ROR1: variants seen among roughly 807,000 people sequenced by gnomAD.
ROR1 encodes the protein inactive tyrosine-protein kinase transmembrane receptor ROR1.
ROR1 carries 19 observed loss-of-function variants against 78.8 expected under a neutral mutation model. The ratio of observed to expected loss-of-function variants is 0.24; its 90% CI spans 0.17 to 0.35. ROR1 has a LOEUF of 0.35. ROR1 is among the 10% of genes least tolerant of loss of function. The pLI, the probability that ROR1 is intolerant of heterozygous loss-of-function variation, is 1.00. For synonymous variants in ROR1, 386 were observed against 433.6 expected, an observed-to-expected ratio of 0.89 and a Z score of 1.36; for missense variants, 917 against 1,177.8, an observed-to-expected ratio of 0.78 and a Z score of 3.24.
chr1:64,165,692 C>T (rs981094159), intron 8 of ROR1, among the ~76,000 whole-genome samples: 42 of 140,006 alleles, frequency 3.0e-4, no homozygotes, highest in African/African-American at 1.0e-3. Flanking sequence ...TTTATAATTT[C>T]GGGTTTTACT....
chr1:64,126,402 A>G (rs1330976603), intron 4 of ROR1, among the ~76,000 whole-genome samples: 1 of 152,148 alleles, frequency 6.6e-6, no homozygotes, highest in Non-Finnish European at 1.5e-5. Context: ...CAATCTACCT[A>G]TTAGCTCATC....
chr1:63,858,403 A>G (rs1363669891), intron 1 of ROR1, among the ~76,000 whole-genome samples: 1 of 152,116 alleles, frequency 6.6e-6, no homozygotes, highest in Non-Finnish European at 1.5e-5. Flanking sequence ...GTAGAGTGGA[A>G]TTTCTCATTC....
At chr1:63,976,855 A>G (rs909159426) in intron 1 of ROR1, among the ~76,000 whole-genome samples, 1 of 152,208 alleles carries the variant, frequency 6.6e-6, no homozygotes, top group African/African-American at 2.4e-5. Flanking sequence ...TAAACACAAA[A>G]TTCATTATGT....
intron 4 of ROR1, among the ~76,000 whole-genome samples, chr1:64,052,586 C>T (rs1450171715): frequency 6.6e-6 from 1 of 152,110 alleles, no homozygotes; most frequent in Admixed American, 6.5e-5. Context: ...TGTTGTGAAC[C>T]GATATCTATG....
intron 7 of ROR1, among the ~76,000 whole-genome samples, chr1:64,144,636 A>G (rs1649427125): frequency 6.6e-6 from 1 of 152,164 alleles, no homozygotes; most frequent in African/African-American, 2.4e-5. Flanking sequence ...GGATAAGAAA[A>G]CTGACACTCA....
At chr1:64,046,519 AGAT>A (rs1373044066) in intron 2 of ROR1, among the ~76,000 whole-genome samples, 1 of 152,192 alleles carries the variant, frequency 6.6e-6, no homozygotes, top group African/African-American at 2.4e-5. Context: ...GTTTTTAGAT[AGAT>A]ATTTTATAGA....
chr1:63,961,975 T>G (rs183764544), intron 1 of ROR1, among the ~76,000 whole-genome samples: 1 of 152,204 alleles, frequency 6.6e-6, no homozygotes, highest in African/African-American at 2.4e-5. Context: ...ACAATTATTA[T>G]GTGTCATTTA....
chr1:63,947,778 G>A (rs972310134), intron 1 of ROR1, among the ~76,000 whole-genome samples: 9 of 152,050 alleles, frequency 5.9e-5, no homozygotes, highest in Admixed American at 3.3e-4. Context: ...TCCCCAGTTG[G>A]GTCTTGAACC....
chr1:63,813,565 A>G (rs1020926637), intron 1 of ROR1, among the ~76,000 whole-genome samples: 1 of 152,170 alleles, frequency 6.6e-6, no homozygotes, highest in African/African-American at 2.4e-5. Flanking sequence ...TACCTAGCAC[A>G]GGGCTGGAAC....
chr1:64,180,944 A>T lies in ROR1; in HGVS notation c.*2089A>T, dbSNP rs578192325. The T allele has an allele frequency of 6.6e-6, 1 of 152,266 alleles. No homozygotes were observed. Among genetic ancestry groups the T allele is most frequent in the South Asian group, 2.1e-4 (1 of 4,830 alleles). The allele number at this position is 152,266 out of a possible 1,614,324, so 9.4% of individuals were successfully genotyped here. A position where few individuals can be genotyped will look rare whatever the true frequency, so the allele number is the denominator to read the frequency against. On this transcript the variant is annotated 3_prime_UTR_variant, in exon 9 of 9. Transcript: ENST00000371079. ...TAAACATTTTATAATAACTGAAAAC[A>T]TTAAAGTGAGCAAATGAAATTTCAA...
chr1:63,818,537 T>C (rs1004888134), intron 1 of ROR1, among the ~76,000 whole-genome samples: 1 of 152,218 alleles, frequency 6.6e-6, no homozygotes. Context: ...CTTCTGTTCC[T>C]TTGATTGATG....
At chr1:63,898,703 GAA>G (rs1038709787) in intron 1 of ROR1, among the ~76,000 whole-genome samples, 1 of 151,896 alleles carries the variant, frequency 6.6e-6, no homozygotes, top group Non-Finnish European at 1.5e-5. Context: ...GAGAGGGAGA[GAA>G]AAGAGGGAAG....
At position 64,108,060 on chromosome 1, in the gene ROR1, TTGTGTGTGTGTGTG is replaced by T. The variant is rs3084945; in HGVS notation, c.483-29283_483-29270del. Among the ~76,000 whole-genome samples, 259 of 146,526 alleles carry T rather than the reference TTGTGTGTGTGTGTG, an allele frequency of 1.8e-3. 1 individual carries two copies. Among genetic ancestry groups the T allele is most frequent in the African/African-American group, 5.8e-3 (229 of 39,604 alleles). ...ACATCTGGATTTTTTTGTTTTCTTG[TTGTGTGTGTGTGTG>T]TGTGTGTGTGTGTGTGTGTGTGTGT... On this transcript the variant is annotated intron_variant, in intron 4 of 8. Coordinates refer to ENST00000371079, the MANE Select transcript of ROR1 (RefSeq NM_005012.4).
At chr1:63,875,465 A>C (rs1476613406) in intron 1 of ROR1, among the ~76,000 whole-genome samples, 1 of 152,202 alleles carries the variant, frequency 6.6e-6, no homozygotes, top group Non-Finnish European at 1.5e-5. Context: ...AGGGCATTAA[A>C]GAATAAAATC....
rs997735350 is a variant in ROR1, at chr1:63,843,137, C to T, written c.91+68629C>T. 5 of 785,472 alleles carry T rather than the reference C, an allele frequency of 6.4e-6. No homozygotes were observed. In the African/African-American group the frequency reaches 8.6e-5, roughly 14 times the overall value. The allele number at this position is 785,472 out of a possible 1,614,324, so 48.7% of individuals were successfully genotyped here. On this transcript the variant is annotated intron_variant, in intron 1 of 8. Coordinates refer to ENST00000371079, the MANE Select transcript of ROR1 (RefSeq NM_005012.4). The stretch of plus-strand genomic sequence containing the variant: ...GGGAGGAAGGGGACGGCCTGCAACC[C>T]CCGAGGGCAGATGTGGGGCTGCCAG...
chr1:64,118,788 GA>G (rs1347497043), intron 4 of ROR1, among the ~76,000 whole-genome samples: 3 of 152,144 alleles, frequency 2.0e-5, no homozygotes, highest in African/African-American at 7.2e-5. Flanking sequence ...GTCACAGTGA[GA>G]GTGAAATGAG....
At chr1:64,121,303 G>A (rs1648534529) in intron 4 of ROR1, among the ~76,000 whole-genome samples, 1 of 150,728 alleles carries the variant, frequency 6.6e-6, no homozygotes. Flanking sequence ...CCCAGAGGTG[G>A]TACACCTTGA....
intron 1 of ROR1, among the ~76,000 whole-genome samples, chr1:63,948,149 C>A (rs1645905069): frequency 6.6e-6 from 1 of 152,094 alleles, no homozygotes; most frequent in African/African-American, 2.4e-5. Context: ...CCACACTGTT[C>A]TAGACCTGTG....
At chr1:63,970,382 T>C (rs1646109917) in intron 1 of ROR1, among the ~76,000 whole-genome samples, 3 of 152,214 alleles carry the variant, frequency 2.0e-5, no homozygotes, top group South Asian at 4.1e-4. Flanking sequence ...GATTAAAAGA[T>C]AAATTTTTGT....
Sources: allele counts gnomAD v4.1 joint callset (sites outside exome capture counted in the v4.1 genomes callset), GRCh38; gene constraint gnomAD v4.1.1; transcripts MANE v1.5; gene names NCBI Gene and HGNC (gene_info 2026-07-23, HGNC 2026-07-21).